MYO1D: variants seen among roughly 807,000 people sequenced by gnomAD.
MYO1D encodes the protein unconventional myosin-Id.
In MYO1D, 83 loss-of-function variants were observed where a neutral mutation model predicts 122.0. That is an observed-to-expected ratio of 0.68 (90% CI 0.57 to 0.82). The LOEUF is 0.82. Among genes scored for constraint, MYO1D ranks in the 40% least tolerant of loss-of-function variants. The probability of loss-of-function intolerance (pLI) is 0.00; values close to 1 mark genes in which losing one functional copy is unlikely to be tolerated. For missense variants in MYO1D, 1,157 were observed against 1,269.5 expected, an observed-to-expected ratio of 0.91 and a Z score of 1.35; for synonymous variants, 464 against 446.9, an observed-to-expected ratio of 1.04 and a Z score of -0.48.
At chr17:32,519,597 C>T (rs1567874944) in intron 21 of MYO1D, among the ~76,000 whole-genome samples, 1 of 151,792 alleles carries the variant, frequency 6.6e-6, no homozygotes, top group Non-Finnish European at 1.5e-5. Flanking sequence ...ACACGCCCTC[C>T]TTGCAGCCCC....
chr17:32,600,403 A>T (rs1324845806), intron 21 of MYO1D, among the ~76,000 whole-genome samples: 3 of 152,236 alleles, frequency 2.0e-5, no homozygotes, highest in African/African-American at 7.2e-5. Flanking sequence ...TAGCTACGGA[A>T]GTCCTAGATG....
intron 20 of MYO1D, among the ~76,000 whole-genome samples, chr17:32,632,977 T>C (rs2088042537): frequency 1.3e-5 from 2 of 151,856 alleles, no homozygotes; most frequent in Admixed American, 1.3e-4. Context: ...AAAAGCACAC[T>C]TACCACAAAT....
chr17:32,505,853 C>CT (rs760029318), intron 21 of MYO1D, among the ~76,000 whole-genome samples: 1 of 152,108 alleles, frequency 6.6e-6, no homozygotes, highest in Non-Finnish European at 1.5e-5. Flanking sequence ...CTTCAAAGGG[C>CT]TGAAGGAAAA....
intron 21 of MYO1D, among the ~76,000 whole-genome samples, chr17:32,502,723 G>A: frequency 6.6e-6 from 1 of 152,198 alleles, no homozygotes; most frequent in East Asian, 1.9e-4. Flanking sequence ...GCCTGGGCAG[G>A]AGACGGAGTA....
intron 16 of MYO1D, among the ~76,000 whole-genome samples, chr17:32,690,160 G>A (rs188897934): frequency 3.5e-4 from 53 of 151,542 alleles, no homozygotes; most frequent in Non-Finnish European, 6.2e-4. Context: ...GGGTATTTGG[G>A]GTATCCGTTC....
At chr17:32,729,349 A>T (rs931293018) in intron 14 of MYO1D, among the ~76,000 whole-genome samples, 1 of 152,208 alleles carries the variant, frequency 6.6e-6, no homozygotes, top group African/African-American at 2.4e-5. Context: ...TTAGGTATTA[A>T]TACATAAAAT....
intron 21 of MYO1D, among the ~76,000 whole-genome samples, chr17:32,539,322 C>G (rs2150877441): frequency 7.1e-6 from 1 of 140,122 alleles, no homozygotes; most frequent in Non-Finnish European, 1.6e-5. Context: ...CACACACACA[C>G]ACAGAGCAGC....
chr17:32,817,363 A>G (rs944351002), intron 1 of MYO1D, among the ~76,000 whole-genome samples: 3 of 152,222 alleles, frequency 2.0e-5, no homozygotes, highest in Non-Finnish European at 4.4e-5. Context: ...AGATTATTTA[A>G]TGGTTTAGCA....
At chr17:32,818,964 T>G (rs62070170) in intron 1 of MYO1D, among the ~76,000 whole-genome samples, 229 of 152,340 alleles carry the variant, frequency 1.5e-3, no homozygotes, top group Non-Finnish European at 2.5e-3. Context: ...AGGTTGACGT[T>G]ACTTCTTCCT....
At chr17:32,748,702 G>A (rs576402057) in intron 12 of MYO1D, among the ~76,000 whole-genome samples, 8 of 152,276 alleles carry the variant, frequency 5.3e-5, no homozygotes, top group African/African-American at 1.9e-4. Flanking sequence ...CACGAACTAT[G>A]CCAGGAACTG....
intron 11 of MYO1D, among the ~76,000 whole-genome samples, chr17:32,754,802 T>TG (rs962017469): frequency 4.6e-5 from 7 of 152,200 alleles, no homozygotes; most frequent in African/African-American, 1.7e-4. Flanking sequence ...ACAAATTTCT[T>TG]GAACAAATAT....
intron 15 of MYO1D, among the ~76,000 whole-genome samples, chr17:32,719,735 C>T (rs1179177726): frequency 6.6e-6 from 1 of 152,184 alleles, no homozygotes; most frequent in Non-Finnish European, 1.5e-5. Context: ...TGCTTAAAAT[C>T]CACCAATGGT....
At chr17:32,542,179 T>C (rs1567883043) in intron 21 of MYO1D, among the ~76,000 whole-genome samples, 1 of 152,246 alleles carries the variant, frequency 6.6e-6, no homozygotes, top group Admixed American at 6.5e-5. Context: ...ACTTGCACAG[T>C]GAAAAAGAGT....
At chr17:32,763,597 C>A (rs1332985713) in intron 8 of MYO1D, among the ~76,000 whole-genome samples, 2 of 152,116 alleles carry the variant, frequency 1.3e-5, no homozygotes, top group Non-Finnish European at 2.9e-5. Context: ...TATTACCATG[C>A]AGCCATAAAA....
At chr17:32,790,128 T>C (rs968404535) in intron 1 of MYO1D, among the ~76,000 whole-genome samples, 4 of 152,220 alleles carry the variant, frequency 2.6e-5, no homozygotes, top group African/African-American at 4.8e-5. Context: ...ACCTCAGGTA[T>C]CTTCACTGTC....
chr17:32,738,964 A>G (rs1261091496), intron 13 of MYO1D, among the ~76,000 whole-genome samples: 1 of 152,198 alleles, frequency 6.6e-6, no homozygotes, highest in African/African-American at 2.4e-5. Context: ...TGTAGGTAGC[A>G]TTGGCAGTTA....
chr17:32,828,429 T>C (rs544215931), intron 1 of MYO1D, among the ~76,000 whole-genome samples: 40 of 139,018 alleles, frequency 2.9e-4, no homozygotes, highest in African/African-American at 1.1e-3. Flanking sequence ...GGCAGGAGAA[T>C]GGCGTGAACC....
intron 21 of MYO1D, among the ~76,000 whole-genome samples, chr17:32,525,411 G>T (rs760219094): frequency 1.3e-5 from 2 of 151,622 alleles, no homozygotes; most frequent in Non-Finnish European, 2.9e-5. Flanking sequence ...TAGTCAGTAT[G>T]TCTTGACATT....
intron 20 of MYO1D, among the ~76,000 whole-genome samples, chr17:32,611,756 T>C (rs1445212870): frequency 2.0e-5 from 3 of 152,192 alleles, no homozygotes; most frequent in Non-Finnish European, 4.4e-5. Context: ...GGAGAATCAC[T>C]TGTATCTGGG....
Sources: gnomAD v4.1 joint callset for allele counts (sites outside exome capture counted in the v4.1 genomes callset) on GRCh38, gnomAD v4.1.1 for gene constraint, MANE v1.5 for transcripts, NCBI Gene and HGNC (gene_info 2026-07-23, HGNC 2026-07-21) for gene names.